Variants in FHAD1 observed in about 807,000 individuals in gnomAD.
FHAD1 encodes the protein forkhead-associated domain-containing protein 1.
Under a neutral mutation model 191.3 loss-of-function variants are expected in FHAD1, and 146 were observed. The ratio of observed to expected loss-of-function variants is 0.76; its 90% CI spans 0.67 to 0.88. The LOEUF (loss-of-function observed/expected upper bound fraction) is 0.88. Among genes scored for constraint, FHAD1 ranks in the 40% least tolerant of loss-of-function variants. The pLI is 0.00. For synonymous variants in FHAD1, 616 were observed against 672.3 expected (o/e 0.92, Z 1.29); for missense variants, 1,635 against 1,785.8 (o/e 0.92, Z 1.52).
chr1:15,320,004 C>G (rs1006963330), intron 10 of FHAD1, among the ~76,000 whole-genome samples: 10 of 152,184 alleles, frequency 6.6e-5, no homozygotes, highest in African/African-American at 2.2e-4. Flanking sequence ...CAATTTTTCT[C>G]TAAACAAGGC....
intron 3 of FHAD1, among the ~76,000 whole-genome samples, chr1:15,278,473 C>T (rs1659294454): frequency 1.1e-5 from 1 of 94,630 alleles, no homozygotes; most frequent in Admixed American, 1.0e-4. Flanking sequence ...TCTTCATTAC[C>T]TCTTTTTTTT....
intron 8 of FHAD1, 44 bp downstream of exon 8, chr1:15,313,231 A>T (rs1672837213): frequency 2.0e-6 from 3 of 1,532,144 alleles, no homozygotes; most frequent in South Asian, 2.4e-5. Flanking sequence ...TCCGGTGAAA[A>T]GCAGCTAAAG....
chr1:15,242,681 A>G (rs1645528786), upstream of FHAD1, among the ~76,000 whole-genome samples: 1 of 152,178 alleles, frequency 6.6e-6, no homozygotes, highest in African/African-American at 2.4e-5. Flanking sequence ...GCAGCCGGCC[A>G]GATAATATGA....
At chr1:15,396,478 A>T (rs373140986) in intron 33 of FHAD1, among the ~76,000 whole-genome samples, 10 of 152,090 alleles carry the variant, frequency 6.6e-5, no homozygotes, top group Admixed American at 3.9e-4. Flanking sequence ...GTATATATAT[A>T]TTTTTTACAA....
chr1:15,343,449 C>A (rs1313445544), intron 16 of FHAD1, among the ~76,000 whole-genome samples: 5 of 151,852 alleles, frequency 3.3e-5, no homozygotes, highest in African/African-American at 1.2e-4. Flanking sequence ...GGACCTGCCC[C>A]CTTCTCCATC....
At chr1:15,353,727 G>GAA (rs1691720043) in intron 20 of FHAD1, among the ~76,000 whole-genome samples, 1 of 97,224 alleles carries the variant, frequency 1.0e-5, no homozygotes, top group Non-Finnish European at 2.2e-5. Context: ...AAAAAAAAAA[G>GAA]AAAAGAAAAA....
chr1:15,381,324 GAGA>G lies in FHAD1; in HGVS notation c.3898_3900del (p.Lys1300del). On this transcript the variant is annotated inframe_deletion, in exon 30 of 34. Coordinates refer to ENST00000688493, the MANE Select transcript of FHAD1 (RefSeq NM_001391957.1). This position sits in a 1 kb window ranked among gnomAD's most constrained non-coding sequence, Gnocchi z 4.6. Reference sequence around the variant, plus strand: ...GAAATACCTCTCCCGCCAGGAGAGGGAGAAGGTCAACCAGCTTCGACAAAGGGA... The same window carrying G: ...GAAATACCTCTCCCGCCAGGAGAGGGAGGTCAACCAGCTTCGACAAAGGGA... 1 of 1,551,622 alleles carries G rather than the reference GAGA, an allele frequency of 6.4e-7. No homozygotes were observed. Among genetic ancestry groups the G allele is most frequent in the Non-Finnish European group, 8.7e-7 (1 of 1,146,878 alleles).
intron 21 of FHAD1, 81 bp from the exon 22 acceptor site, chr1:15,360,397 A>T (rs1694404077): frequency 7.9e-7 from 1 of 1,262,830 alleles, no homozygotes; most frequent in African/African-American, 1.5e-5. Flanking sequence ...TTTAGCACCT[A>T]TGTGTGTGCC....
intron 14 of FHAD1, among the ~76,000 whole-genome samples, chr1:15,331,673 G>GGGAAGGCAGGAA (rs1403717465): frequency 7.3e-6 from 1 of 136,916 alleles, no homozygotes; most frequent in Non-Finnish European, 1.6e-5. Context: ...GAAGGCAGGA[G>GGGAAGGCAGGAA]GGAAGGCAGG....
rs1438938416 is a variant in FHAD1 at position 15,328,309 on chromosome 1, C to A, written c.1590C>A (p.Asp530Glu). ...AGAAAATTACCCAGGTCACTGAGGA[C>A]AACATCAATTTTCAGCAGAAAAAGT... The part of the protein sequence containing the change: ...LIEKITQVTE[D>E]NINFQQKKWT... The change falls in exon 13 of 34, where the codon GAC becomes GAA. Residue 530 changes from aspartate to glutamate, a missense_variant. By Grantham distance (45) the Asp-to-Glu change is conservative. Transcript: ENST00000688493. 2.2e-5 allele frequency: 34 copies of A among 1,530,158 alleles called. No homozygotes were observed. Among genetic ancestry groups the A allele is most frequent in the Non-Finnish European group, 2.8e-5 (32 of 1,138,604 alleles). 94.8% of individuals were successfully genotyped at this position (1,530,158 alleles called of 1,614,324 possible). A position where few individuals can be genotyped will look rare whatever the true frequency, so the allele number is the denominator to read the frequency against.
Position 15,254,131 on chromosome 1 carries a change from G to T in FHAD1, c.93+2254G>T, listed in dbSNP as rs537273025. Among the ~76,000 whole-genome samples, 5 of 152,274 alleles carry T rather than the reference G, an allele frequency of 3.3e-5. No individual in the cohort carries two copies. The South Asian group carries it at 1.0e-3, about 32-fold the overall frequency. Reference sequence around the variant, plus strand: ...ACAAAGTGGAAAAATCAAATAAAAAGAATCGTAGTTTCTTCTGTATCATAA... The same window carrying T: ...ACAAAGTGGAAAAATCAAATAAAAATAATCGTAGTTTCTTCTGTATCATAA... On this transcript the variant is annotated intron_variant, in intron 2 of 33. Transcript: ENST00000688493.
chr1:15,305,752 C>T (rs577225399), intron 6 of FHAD1: 55 of 447,900 alleles, frequency 1.2e-4, no homozygotes, highest in African/African-American at 4.0e-4. Flanking sequence ...TTTCTCTTGC[C>T]GCCGCCATGT....
intron 28 of FHAD1, among the ~76,000 whole-genome samples, chr1:15,379,436 C>T (rs1215733075): frequency 3.3e-5 from 5 of 152,266 alleles, no homozygotes; most frequent in Non-Finnish European, 5.9e-5. Context: ...GTAGATGGAA[C>T]GTACAATCGG....
At chr1:15,294,599 G>C (rs1256406149) in intron 4 of FHAD1, among the ~76,000 whole-genome samples, 1 of 152,082 alleles carries the variant, frequency 6.6e-6, no homozygotes, top group Non-Finnish European at 1.5e-5. Flanking sequence ...CGCCATGTTG[G>C]CCAGGCTGGT....
Position 15,289,795 on chromosome 1 carries a change from G to A in FHAD1, c.568+129G>A. The stretch of plus-strand genomic sequence containing the variant: ...ATTGTAAAAAATGAAAATAAATTCA[G>A]GATAAGCAGAAAGTAAGAAAACAGT... On this transcript the variant is annotated intron_variant, in intron 4 of 33. Transcript: ENST00000688493. The surrounding 1 kb of genome is among the most constrained non-coding windows in gnomAD (Gnocchi z 4.2). The A allele has an allele frequency of 7.3e-7, 1 of 1,372,950 alleles. No individual in the cohort carries two copies. The highest frequency in any genetic ancestry group is 9.6e-7 in the Non-Finnish European group (1 of 1,040,004). The allele number at this position is 1,372,950 out of a possible 1,614,324, so 85.0% of individuals were successfully genotyped here.
rs1557970033 is a variant in FHAD1 at position 15,272,439 on chromosome 1, A to G, written c.210A>G (p.Gln70=). 6.4e-7 allele frequency: 1 copy of G among 1,551,580 alleles called. No homozygotes were observed. Among genetic ancestry groups the G allele is most frequent in the Non-Finnish European group, 8.7e-7 (1 of 1,146,990 alleles). Reference sequence around the variant, plus strand: ...CGTTTGTCAACGAGTGCCACATTCAAAACGTGGCTGTGAAGCTCATCCCTG... The same window carrying G: ...CGTTTGTCAACGAGTGCCACATTCAGAACGTGGCTGTGAAGCTCATCCCTG... The part of the protein sequence containing the change: ...NGTFVNECHI[Q]NVAVKLIPGD... The change falls in exon 3 of 34, where the codon CAA becomes CAG. Residue 70 remains glutamine, a synonymous_variant. Coordinates refer to ENST00000688493, the MANE Select transcript of FHAD1 (RefSeq NM_001391957.1).
At chr1:15,359,917 T>C (rs1259666203) in intron 21 of FHAD1, among the ~76,000 whole-genome samples, 1 of 151,838 alleles carries the variant, frequency 6.6e-6, no homozygotes, top group Non-Finnish European at 1.5e-5. Context: ...GCCACTGCAC[T>C]CCAGCCTGGG....
At chr1:15,239,825 C>T (rs1341357621) in intron 1 of FHAD1, among the ~76,000 whole-genome samples, 1 of 152,216 alleles carries the variant, frequency 6.6e-6, no homozygotes, top group East Asian at 1.9e-4. Context: ...TATTCATGCA[C>T]TGCTGGGGGG....
chr1:15,238,008 T>C (rs1644963767), intron 1 of FHAD1, among the ~76,000 whole-genome samples: 1 of 151,778 alleles, frequency 6.6e-6, no homozygotes. Context: ...CCCAGCACTT[T>C]GGGAGGCTGA....
Sources: gnomAD v4.1 joint callset for allele counts (sites outside exome capture counted in the v4.1 genomes callset) on GRCh38, gnomAD v4.1.1 for gene constraint, Gnocchi (gnomAD v3.1) non-coding constraint, MANE v1.5 for transcripts, NCBI Gene and HGNC (gene_info 2026-07-23, HGNC 2026-07-21) for gene names.